FGF14: variants seen among roughly 807,000 people sequenced by gnomAD.
The protein encoded by FGF14 is fibroblast growth factor homologous factor 4.
A neutral mutation model predicts 25.5 loss-of-function variants in FGF14; 5 were observed. That is an observed-to-expected ratio of 0.20 (90% CI 0.10 to 0.41). The LOEUF is 0.41. Among genes scored for constraint, FGF14 ranks in the 10% least tolerant of loss-of-function variants. FGF14 has a pLI of 1.00. For missense variants in FGF14, 222 were observed against 320.1 expected (o/e 0.69, Z 2.34); for synonymous variants, 138 against 118.3 (o/e 1.17, Z -1.08).
intron 1 of FGF14, among the ~76,000 whole-genome samples, chr13:101,960,625 C>A (rs1319455747): frequency 6.6e-6 from 1 of 152,096 alleles, no homozygotes. Flanking sequence ...CATGCCTTTG[C>A]TATTGTGAAT....
chr13:102,264,350 T>A (rs912904265), intron 1 of FGF14, among the ~76,000 whole-genome samples: 1 of 152,186 alleles, frequency 6.6e-6, no homozygotes, highest in African/African-American at 2.4e-5. Flanking sequence ...AAAATTAGCA[T>A]CTACTATTGA....
At chr13:102,092,072 G>T (rs1173978914) in intron 1 of FGF14, among the ~76,000 whole-genome samples, 1 of 152,172 alleles carries the variant, frequency 6.6e-6, no homozygotes, top group African/African-American at 2.4e-5. Context: ...CACATTGGTG[G>T]CTGGGAAGCC....
chr13:101,960,600 C>T (rs2036789646), intron 1 of FGF14, among the ~76,000 whole-genome samples: 1 of 152,114 alleles, frequency 6.6e-6, no homozygotes, highest in South Asian at 2.1e-4. Context: ...CACTGATGGG[C>T]ATTTAGGTTG....
chr13:102,003,922 A>T (rs2039644284), intron 1 of FGF14, among the ~76,000 whole-genome samples: 1 of 152,066 alleles, frequency 6.6e-6, no homozygotes, highest in Non-Finnish European at 1.5e-5. Flanking sequence ...ATGGAGAAGA[A>T]ATCCCGGCTT....
At chr13:102,136,046 AAAG>A (rs1488531092) in intron 1 of FGF14, among the ~76,000 whole-genome samples, 1 of 152,142 alleles carries the variant, frequency 6.6e-6, no homozygotes, top group African/African-American at 2.4e-5. Context: ...ATATTCCCTA[AAAG>A]AAGTAAGATC....
intron 1 of FGF14, among the ~76,000 whole-genome samples, chr13:102,040,304 G>A (rs1187949132): frequency 6.6e-6 from 1 of 152,062 alleles, no homozygotes; most frequent in African/African-American, 2.4e-5. Context: ...CTAGTTGTAG[G>A]CGGAGCAAAT....
chr13:101,732,228 C>A (rs1003906057), intron 3 of FGF14, among the ~76,000 whole-genome samples: 3 of 152,164 alleles, frequency 2.0e-5, no homozygotes, highest in Admixed American at 6.5e-5. Flanking sequence ...ACTATGTCAC[C>A]TTGGTGTTAT....
intron 1 of FGF14, among the ~76,000 whole-genome samples, chr13:102,239,774 T>C (rs898100705): frequency 5.3e-5 from 8 of 152,170 alleles, no homozygotes; most frequent in Non-Finnish European, 8.8e-5. Flanking sequence ...CCTTCTGATA[T>C]TGTCTTAATT....
intron 1 of FGF14, among the ~76,000 whole-genome samples, chr13:101,967,062 A>G (rs2139505173): frequency 6.6e-6 from 1 of 152,254 alleles, no homozygotes; most frequent in Admixed American, 6.5e-5. Flanking sequence ...CAGCTCTTTG[A>G]AAAACAGCAC....
At chr13:102,232,764 A>G in intron 1 of FGF14, among the ~76,000 whole-genome samples, 1 of 152,200 alleles carries the variant, frequency 6.6e-6, no homozygotes, top group Non-Finnish European at 1.5e-5. Flanking sequence ...GCTTTAAGTT[A>G]AACACCCTGT....
intron 1 of FGF14, among the ~76,000 whole-genome samples, chr13:102,290,382 C>A (rs1404573781): frequency 6.6e-6 from 1 of 152,246 alleles, no homozygotes; most frequent in East Asian, 1.9e-4. Flanking sequence ...CAGAACTGGA[C>A]AATAAACTTC....
chr13:102,204,964 T>C (rs1335540534), intron 1 of FGF14, among the ~76,000 whole-genome samples: 1 of 152,140 alleles, frequency 6.6e-6, no homozygotes, highest in Non-Finnish European at 1.5e-5. Context: ...AGAGATAAAA[T>C]GTCTTGGTAC....
intron 4 of FGF14, among the ~76,000 whole-genome samples, chr13:101,724,448 G>C (rs1415174186): frequency 6.6e-6 from 1 of 151,388 alleles, no homozygotes; most frequent in Non-Finnish European, 1.5e-5. Flanking sequence ...GTTGTGGGGT[G>C]GGGGGATGGG....
At chr13:102,373,000 A>G (rs140435850) in intron 1 of FGF14, among the ~76,000 whole-genome samples, 1 of 152,288 alleles carries the variant, frequency 6.6e-6, no homozygotes, top group African/African-American at 2.4e-5. Context: ...AAACTCAAAC[A>G]CAGCTCTTAA....
intron 1 of FGF14, among the ~76,000 whole-genome samples, chr13:101,912,805 C>A (rs9582537): frequency 1.6e-3 from 243 of 152,068 alleles, no homozygotes; most frequent in African/African-American, 5.7e-3. Flanking sequence ...CTAGTTAGAT[C>A]ACTCTGGTTC....
chr13:102,121,692 A>G (rs1422171933), intron 1 of FGF14, among the ~76,000 whole-genome samples: 1 of 152,214 alleles, frequency 6.6e-6, no homozygotes, highest in Non-Finnish European at 1.5e-5. Context: ...GTACATACCC[A>G]AATGCTTCCG....
intron 1 of FGF14, among the ~76,000 whole-genome samples, chr13:101,903,869 A>G (rs1566407664): frequency 6.6e-6 from 1 of 152,160 alleles, no homozygotes; most frequent in South Asian, 2.1e-4. Context: ...GCTTGTTTGT[A>G]TGAGTGTACG....
intron 1 of FGF14, among the ~76,000 whole-genome samples, chr13:102,056,776 C>G (rs1354335090): frequency 6.7e-6 from 1 of 148,560 alleles, no homozygotes; most frequent in East Asian, 1.9e-4. Flanking sequence ...AAATATAATA[C>G]AGATATAAAT....
intron 1 of FGF14, among the ~76,000 whole-genome samples, chr13:102,209,852 A>G (rs1476517480): frequency 6.6e-6 from 1 of 152,200 alleles, no homozygotes; most frequent in African/African-American, 2.4e-5. Flanking sequence ...TTTTTAATTA[A>G]AAACTGGGAA....
Sources: allele counts gnomAD v4.1 joint callset (sites outside exome capture counted in the v4.1 genomes callset), GRCh38; gene constraint gnomAD v4.1.1; transcripts MANE v1.5; gene names NCBI Gene and HGNC (gene_info 2026-07-23, HGNC 2026-07-21).